Variants in DNAH8 observed in about 807,000 individuals in gnomAD.
DNAH8 encodes dynein axonemal heavy chain 8, also known as axonemal beta dynein heavy chain 8.
DNAH8 carries 382 observed loss-of-function variants against 562.1 expected under a neutral mutation model. The ratio of observed to expected loss-of-function variants is 0.68; its 90% CI spans 0.63 to 0.74. The LOEUF is 0.74. DNAH8 is among the 30% of genes least tolerant of loss of function. DNAH8 has a pLI of 0.00. For missense variants in DNAH8, 5,203 were observed against 5,620.4 expected, an observed-to-expected ratio of 0.93 and a Z score of 2.37; for synonymous variants, 1,881 against 1,919.4, an observed-to-expected ratio of 0.98 and a Z score of 0.52.
intron 91 of DNAH8, among the ~76,000 whole-genome samples, chr6:39,021,022 G>T (rs1487326431): frequency 1.3e-5 from 2 of 152,026 alleles, no homozygotes; most frequent in Non-Finnish European, 2.9e-5. Context: ...GTATTTTTTT[G>T]GGTATATACC....
intron 91 of DNAH8, among the ~76,000 whole-genome samples, chr6:39,023,866 C>T (rs2150795268): frequency 6.6e-6 from 1 of 152,354 alleles, no homozygotes; most frequent in African/African-American, 2.4e-5. Context: ...ATATATTTAA[C>T]ATTTTCCTTT....
rs762851159 is a variant in DNAH8 at position 38,872,824 on chromosome 6, C to T, written c.7237+42C>T. 8.1e-6 allele frequency: 13 copies of T among 1,606,742 alleles called. No individual in the cohort carries two copies. The East Asian group carries it at 1.1e-4, about 14-fold the overall frequency. ...TTTGTGATCATTTTTTCCCTGCTAGCGTATTAACACAGTATTTTTTTGATT... is the reference window on the plus strand; with the variant it reads ...TTTGTGATCATTTTTTCCCTGCTAGTGTATTAACACAGTATTTTTTTGATT... On this transcript the variant is annotated intron_variant, in intron 50 of 92. Transcript: ENST00000327475.
intron 1 of DNAH8, among the ~76,000 whole-genome samples, chr6:38,715,950 A>ATTTTTTTTTTTT: frequency 3.2e-5 from 1 of 31,236 alleles, no homozygotes; most frequent in African/African-American, 1.8e-4. Flanking sequence ...ATATATATAT[A>ATTTTTTTTTTTT]TATATATATA....
At chr6:39,024,638 G>A (rs941922400) in intron 91 of DNAH8, among the ~76,000 whole-genome samples, 1 of 152,096 alleles carries the variant, frequency 6.6e-6, no homozygotes, top group Non-Finnish European at 1.5e-5. Context: ...ACCAGCCTGA[G>A]TAACATAGCA....
At chr6:38,817,002 A>G (rs769052038) in intron 26 of DNAH8, among the ~76,000 whole-genome samples, 21 of 152,196 alleles carry the variant, frequency 1.4e-4, no homozygotes, top group Non-Finnish European at 2.1e-4. Flanking sequence ...TCTCAAAACT[A>G]TGTCACTTCC....
At chr6:38,796,668 C>T (rs575473294) in intron 21 of DNAH8, among the ~76,000 whole-genome samples, 26 of 152,178 alleles carry the variant, frequency 1.7e-4, no homozygotes, top group Admixed American at 4.6e-4. Flanking sequence ...TTCTGATTAC[C>T]GGTGCATGCA....
At position 38,848,771 on chromosome 6, in the gene DNAH8, A is replaced by T; in HGVS notation, c.5169A>T (p.Val1723=). The T allele has an allele frequency of 6.2e-7, 1 of 1,613,452 alleles. No individual in the cohort carries two copies. The highest frequency in any genetic ancestry group is 8.5e-7 in the Non-Finnish European group (1 of 1,179,554). Residue 1723 remains valine, a synonymous_variant, in exon 37 of 93, where the codon GTA becomes GTT. Coordinates refer to ENST00000327475, the MANE Select transcript of DNAH8 (RefSeq NM_001206927.2). ...NLWVYLEAVF[V]GGDIAKQLPQ... is the part of the protein sequence containing the mutation. ...GGGTTTATCTTGAAGCCGTCTTTGTAGGTGGAGATATTGCCAAACAGCTGC... is the reference window on the plus strand; with the variant it reads ...GGGTTTATCTTGAAGCCGTCTTTGTTGGTGGAGATATTGCCAAACAGCTGC...
At chr6:38,945,301 G>C in intron 79 of DNAH8, among the ~76,000 whole-genome samples, 166 bp from the exon 80 acceptor site, 1 of 152,136 alleles carries the variant, frequency 6.6e-6, no homozygotes, top group Middle Eastern at 3.2e-3. Context: ...ACTAAGACTT[G>C]AAGGAAATGT....
At chr6:38,868,321 A>G in intron 48 of DNAH8, 125 bp downstream of exon 48, 1 of 937,332 alleles carries the variant, frequency 1.1e-6, no homozygotes, top group Non-Finnish European at 1.6e-6. Context: ...ATAAGTGTGC[A>G]AAGCTACCAC....
chr6:38,950,189 CGTGTGTGTGT>C (rs10546857), intron 81 of DNAH8, among the ~76,000 whole-genome samples: 15 of 144,018 alleles, frequency 1.0e-4, no homozygotes, highest in South Asian at 4.5e-4. Flanking sequence ...TGTGTGTCTG[CGTGTGTGTGT>C]GTGTGTGTGT....
intron 26 of DNAH8, among the ~76,000 whole-genome samples, chr6:38,819,038 C>T (rs1772575476): frequency 6.6e-6 from 1 of 152,172 alleles, no homozygotes; most frequent in Non-Finnish European, 1.5e-5. Context: ...TGTCATGACA[C>T]ATATATTTTC....
chr6:39,005,408 A>T (rs1447907632), intron 88 of DNAH8, among the ~76,000 whole-genome samples: 4 of 152,088 alleles, frequency 2.6e-5, no homozygotes, highest in Non-Finnish European at 4.4e-5. Flanking sequence ...TGTCTCAAAA[A>T]CAAAACAAAA....
At chr6:38,848,416 CCTATT>C (rs910348996) in intron 36 of DNAH8, among the ~76,000 whole-genome samples, 10 of 152,108 alleles carry the variant, frequency 6.6e-5, no homozygotes, top group African/African-American at 2.4e-4. Flanking sequence ...GGCCCATTCT[CCTATT>C]CTATGACTGA....
At chr6:38,962,230 AT>A (rs1275581740) in intron 82 of DNAH8, among the ~76,000 whole-genome samples, 1 of 152,130 alleles carries the variant, frequency 6.6e-6, no homozygotes, top group East Asian at 1.9e-4. Flanking sequence ...TAATCTATAA[AT>A]TGAAGCCAAG....
intron 88 of DNAH8, among the ~76,000 whole-genome samples, chr6:38,994,030 C>CCCA (rs1764966178): frequency 3.3e-5 from 5 of 150,532 alleles, no homozygotes; most frequent in Admixed American, 1.3e-4. Flanking sequence ...TACTTGCAGT[C>CCCA]TGTGAGTGCC....
chr6:38,842,651 T>C lies in DNAH8; in HGVS notation c.4605-12T>C, dbSNP rs760302737. ...GAAGGTGGCATATTTTTTTTCTCTTTCTTTCTGAAAGATGTCGTAAACTTC... is the reference window on the plus strand; with the variant it reads ...GAAGGTGGCATATTTTTTTTCTCTTCCTTTCTGAAAGATGTCGTAAACTTC... On this transcript the variant is annotated splice_polypyrimidine_tract_variant and intron_variant, in intron 34 of 92. Coordinates refer to ENST00000327475, the MANE Select transcript of DNAH8 (RefSeq NM_001206927.2). 1.2e-6 allele frequency: 2 copies of C among 1,606,602 alleles called. No individual in the cohort carries two copies. The highest frequency in any genetic ancestry group is 2.7e-5 in the African/African-American group (2 of 74,324).
chr6:38,845,521 A>T, intron 35 of DNAH8, 53 bp from the exon 36 acceptor site: 1 of 1,434,340 alleles, frequency 7.0e-7, no homozygotes, highest in Non-Finnish European at 9.8e-7. Context: ...TTGATGATGC[A>T]CTTAATTTGT....
chr6:39,021,764 C>G (rs1561984660), intron 91 of DNAH8, among the ~76,000 whole-genome samples: 1 of 152,186 alleles, frequency 6.6e-6, no homozygotes, highest in Non-Finnish European at 1.5e-5. Flanking sequence ...AGCCTAAGGC[C>G]TATTGCATAA....
At chr6:38,769,152 G>A (rs1312484721) in intron 11 of DNAH8, among the ~76,000 whole-genome samples, 1 of 149,228 alleles carries the variant, frequency 6.7e-6, no homozygotes, top group African/African-American at 2.6e-5. Context: ...TGGATGAGTT[G>A]GAGGAAACAA....
Sources: allele counts gnomAD v4.1 joint callset (sites outside exome capture counted in the v4.1 genomes callset), GRCh38; gene constraint gnomAD v4.1.1; transcripts MANE v1.5; gene names NCBI Gene and HGNC (gene_info 2026-07-23, HGNC 2026-07-21).